Variants in CNP observed in about 807,000 individuals in gnomAD.
CNP encodes the protein 2',3'-cyclic-nucleotide 3'-phosphodiesterase.
A neutral mutation model predicts 37.9 loss-of-function variants in CNP; 8 were observed. That is an observed-to-expected ratio of 0.21 (90% CI 0.12 to 0.38). The LOEUF is 0.38. Among genes scored for constraint, CNP ranks in the 10% least tolerant of loss-of-function variants. The pLI is 1.00. For synonymous variants in CNP, 237 were observed against 238.3 expected, an observed-to-expected ratio of 0.99 and a Z score of 0.05; for missense variants, 457 against 551.0, an observed-to-expected ratio of 0.83 and a Z score of 1.71.
chr17:41,971,087 C>T (rs2050980861), intron 2 of CNP: 1 of 152,228 alleles, frequency 6.6e-6, no homozygotes, highest in African/African-American at 2.4e-5. Context: ...CCTGGGAACA[C>T]TGGGGTATAT....
rs781922862 is a variant in CNP, at chr17:41,968,727, G to A, written c.663G>A (p.Lys221=). ...TGGGGAACCACAAGGCCTTCAAGAA[G>A]GAGCTGCGACAATGTAGGTGGCAGG... ...EELGNHKAFK[K]ELRQFVPGDE... is the part of the protein sequence containing the mutation. Residue 221 remains lysine, a synonymous_variant, in exon 2 of 4, where the codon AAG becomes AAA. Coordinates refer to ENST00000393892, the MANE Select transcript of CNP (RefSeq NM_033133.5). The surrounding 1 kb of genome is among the most constrained non-coding windows in gnomAD (Gnocchi z 4.8). 1 of 1,610,304 alleles carries A rather than the reference G, an allele frequency of 6.2e-7. No homozygotes were observed.
chr17:41,970,425 GGT>G (rs2050969410), intron 2 of CNP: 1 of 135,264 alleles, frequency 7.4e-6, no homozygotes, highest in Non-Finnish European at 1.6e-5. Flanking sequence ...TTGAGACGGG[GGT>G]CTTGCTCTGT....
intron 2 of CNP, chr17:41,971,176 C>A (rs2050982260): frequency 6.6e-6 from 1 of 152,224 alleles, no homozygotes; most frequent in African/African-American, 2.4e-5. Context: ...CATGGCAGAG[C>A]TGAGATATTC....
chr17:41,977,509 G>A lies in CNP; in HGVS notation c.*3585G>A. The A allele has an allele frequency of 3.7e-6, 2 of 533,824 alleles. No homozygotes were observed. The highest frequency in any genetic ancestry group is 2.4e-5 in the South Asian group (1 of 41,154). 33.1% of individuals were successfully genotyped at this position (533,824 alleles called of 1,614,324 possible). ...CCATCCCGTGCAAAACATGCTACCT[G>A]ATCCCACTCCTAGGACATGTTCCCT... is the stretch of plus-strand genomic sequence containing the variant. On this transcript the variant is annotated 3_prime_UTR_variant, in exon 4 of 4. Transcript: ENST00000393892.
rs1183827695 is a variant in CNP at position 41,974,642 on chromosome 17, C to G, written c.*718C>G. On this transcript the variant is annotated 3_prime_UTR_variant, in exon 4 of 4. Coordinates refer to ENST00000393892, the MANE Select transcript of CNP (RefSeq NM_033133.5). Reference sequence around the variant, plus strand: ...CACCTTTGGTCCTAAGTCCCTGCCCCCTCCCCTTCACACCATAACTAGGTA... The same window carrying G: ...CACCTTTGGTCCTAAGTCCCTGCCCGCTCCCCTTCACACCATAACTAGGTA... 1 of 152,328 alleles carries G rather than the reference C, an allele frequency of 6.6e-6. No homozygotes were observed. Among genetic ancestry groups the G allele is most frequent in the African/African-American group, 2.4e-5 (1 of 41,448 alleles). 9.4% of individuals were successfully genotyped at this position (152,328 alleles called of 1,614,324 possible).
At position 41,968,679 on chromosome 17, in the gene CNP, C is replaced by G. The variant is rs201271318; in HGVS notation, c.615C>G (p.Ala205=). Residue 205 remains alanine, a synonymous_variant, in exon 2 of 4, where the codon GCC becomes GCG. Coordinates refer to ENST00000393892, the MANE Select transcript of CNP (RefSeq NM_033133.5). This position sits in a 1 kb window ranked among gnomAD's most constrained non-coding sequence, Gnocchi z 4.8. Reference sequence around the variant, plus strand: ...AGAGCTCTGAGACCCTCCGCAAAGCCGGCCAGGTCTTCCTGGAAGAGCTGG... The same window carrying G: ...AGAGCTCTGAGACCCTCCGCAAAGCGGGCCAGGTCTTCCTGGAAGAGCTGG... ...TKKSSETLRK[A]GQVFLEELGN... 1,187 of 1,614,062 alleles carry G rather than the reference C, an allele frequency of 7.4e-4. 8 individuals are homozygous for G. The highest frequency in any genetic ancestry group is 3.4e-3 in the South Asian group (309 of 91,078).
At chr17:41,972,080 A>C in intron 3 of CNP, 49 bp downstream of exon 3, 2 of 1,600,868 alleles carry the variant, frequency 1.2e-6, no homozygotes, top group Non-Finnish European at 1.7e-6. Flanking sequence ...TTGGGGGAGA[A>C]GGGGCTGCAG....
At chr17:41,967,096 G>A (rs1442036161) in intron 1 of CNP, 5 of 470,864 alleles carry the variant, frequency 1.1e-5, no homozygotes, top group African/African-American at 1.0e-4. Context: ...AAACGGTGGT[G>A]TTTCTCAGGA....
rs1004816291 is a variant in CNP at position 41,971,740 on chromosome 17, T to G, written c.677-152T>G. The G allele has an allele frequency of 3.4e-5, 35 of 1,016,708 alleles. No homozygotes were observed. In the Admixed American group the frequency reaches 9.1e-4, roughly 26 times the overall value. 63.0% of individuals were successfully genotyped at this position (1,016,708 alleles called of 1,614,324 possible). Reference sequence around the variant, plus strand: ...TATTGCTCTAAAGTTGCCATTAGTTTGACCAACTAACCAATGAATGAGCTG... The same window carrying G: ...TATTGCTCTAAAGTTGCCATTAGTTGGACCAACTAACCAATGAATGAGCTG... On this transcript the variant is annotated intron_variant, in intron 2 of 3. Transcript: ENST00000393892.
Position 41,976,596 on chromosome 17 carries a change from C to T in CNP, c.*2672C>T. The stretch of plus-strand genomic sequence containing the variant: ...CTTTGCTCCACCCCACTCACAGAGA[C>T]ACAGGGCATCCAACTGAGAAAACGA... On this transcript the variant is annotated 3_prime_UTR_variant, in exon 4 of 4. Coordinates refer to ENST00000393892, the MANE Select transcript of CNP (RefSeq NM_033133.5). 8.9e-7 allele frequency: 1 copy of T among 1,126,338 alleles called. No homozygotes were observed. The highest frequency in any genetic ancestry group is 2.7e-5 in the East Asian group (1 of 37,192). The allele number at this position is 1,126,338 out of a possible 1,614,324, so 69.8% of individuals were successfully genotyped here.
rs1298848995 is a variant in CNP, at chr17:41,977,464, T to C, written c.*3540T>C. 2.7e-6 allele frequency: 2 copies of C among 728,400 alleles called. No individual in the cohort carries two copies. The highest frequency in any genetic ancestry group is 4.6e-6 in the Non-Finnish European group (2 of 437,938). 45.1% of individuals were successfully genotyped at this position (728,400 alleles called of 1,614,324 possible). On this transcript the variant is annotated 3_prime_UTR_variant, in exon 4 of 4. Coordinates refer to ENST00000393892, the MANE Select transcript of CNP (RefSeq NM_033133.5). ...CCCCTCCTTTCCCAACACTTCAGAC[T>C]GCAAGTGAGCAAACCTGCCCCATCC...
rs781958158 is a variant in CNP at position 41,968,116 on chromosome 17, TTCC to T, written c.53_55del (p.Phe18_Arg19delinsCys). ...CCACACATTCCTGCCCAAGATCTTC[TTCC>T]GCAAGATGTCATCCTCAGGGGCCAA... On this transcript the variant is annotated inframe_deletion, in exon 2 of 4. Coordinates refer to ENST00000393892, the MANE Select transcript of CNP (RefSeq NM_033133.5). The surrounding 1 kb of genome is among the most constrained non-coding windows in gnomAD (Gnocchi z 4.8). The T allele has an allele frequency of 6.2e-7, 1 of 1,614,226 alleles. No individual in the cohort carries two copies. The highest frequency in any genetic ancestry group is 8.5e-7 in the Non-Finnish European group (1 of 1,180,038).
Position 41,966,872 on chromosome 17 carries a change from G to C in CNP, c.-13G>C. On this transcript the variant is annotated 5_prime_UTR_variant, in exon 1 of 4. Coordinates refer to ENST00000393892, the MANE Select transcript of CNP (RefSeq NM_033133.5). ...TGCCGGCAGAGGCGGCGACGGTGGC[G>C]CCCCTCCTCATCATGGTGAGAGGCC... is the stretch of plus-strand genomic sequence containing the variant. 7.4e-7 allele frequency: 1 copy of C among 1,353,372 alleles called. No individual in the cohort carries two copies. Among genetic ancestry groups the C allele is most frequent in the Non-Finnish European group, 9.5e-7 (1 of 1,055,162 alleles). 83.8% of individuals were successfully genotyped at this position (1,353,372 alleles called of 1,614,324 possible).
In CNP at chr17:41,976,827, T is replaced by G; in HGVS notation, c.*2903T>G. 2 of 1,589,146 alleles carry G rather than the reference T, an allele frequency of 1.3e-6. No homozygotes were observed. The highest frequency in any genetic ancestry group is 2.3e-5 in the South Asian group (2 of 88,246). Reference sequence around the variant, plus strand: ...TATGGATTTTCTAAGGAAGATCACTTTGCTCTGATTATGGAAAAGTCTTCA... The same window carrying G: ...TATGGATTTTCTAAGGAAGATCACTGTGCTCTGATTATGGAAAAGTCTTCA... On this transcript the variant is annotated 3_prime_UTR_variant, in exon 4 of 4. Coordinates refer to ENST00000393892, the MANE Select transcript of CNP (RefSeq NM_033133.5).
intron 1 of CNP, chr17:41,967,615 T>G: frequency 1.0e-6 from 1 of 990,164 alleles, no homozygotes; most frequent in Non-Finnish European, 1.2e-6. Flanking sequence ...GAGTATTATC[T>G]GTTGCGGCCA....
rs993841079 is a variant in CNP, at chr17:41,968,885, G to A, written c.676+145G>A. On this transcript the variant is annotated intron_variant, in intron 2 of 3. Coordinates refer to ENST00000393892, the MANE Select transcript of CNP (RefSeq NM_033133.5). The surrounding 1 kb of genome is among the most constrained non-coding windows in gnomAD (Gnocchi z 4.8). ...ACCTCAGCGGGGGCAGGGGCAAGCG[G>A]TGCGTCCCAGTGGTAGCCTTGGGGA... 40 of 956,684 alleles carry A rather than the reference G, an allele frequency of 4.2e-5. No homozygotes were observed. The highest frequency in any genetic ancestry group is 5.9e-5 in the Non-Finnish European group (39 of 662,408). 59.3% of individuals were successfully genotyped at this position (956,684 alleles called of 1,614,324 possible).
Sources: gnomAD v4.1 joint callset for allele counts on GRCh38, gnomAD v4.1.1 for gene constraint, Gnocchi (gnomAD v3.1) non-coding constraint, MANE v1.5 for transcripts, NCBI Gene and HGNC (gene_info 2026-07-23, HGNC 2026-07-21) for gene names.